Variants in LDLRAP1 observed in about 807,000 individuals in gnomAD.
LDLRAP1 encodes low density lipoprotein receptor adaptor protein 1, also known as low density lipoprotein receptor adapter protein 1.
LDLRAP1 carries 30 observed loss-of-function variants against 37.8 expected under a neutral mutation model. The observed-to-expected ratio is 0.79, with a 90% CI of 0.59 to 1.08. The LOEUF (loss-of-function observed/expected upper bound fraction) is 1.08, where lower values mean the gene tolerates loss of function less well. LDLRAP1 is among the 50% of genes least tolerant of loss of function. The pLI is 0.00. For missense variants in LDLRAP1, 375 were observed against 401.6 expected (o/e 0.93, Z 0.57); for synonymous variants, 156 against 169.8 (o/e 0.92, Z 0.63).
At chr1:25,561,072 T>C (rs74921646) in intron 4 of LDLRAP1, among the ~76,000 whole-genome samples, 4,590 of 152,378 alleles carry the variant, frequency 0.03, 218 homozygotes, top group African/African-American at 0.1. Context: ...TCTAAGCTTG[T>C]GTCTCCAGAT....
At chr1:25,573,301 C>G (rs1056203892), downstream of LDLRAP1, among the ~76,000 whole-genome samples, 1 of 152,202 alleles carries the variant, frequency 6.6e-6, no homozygotes, top group Admixed American at 6.5e-5. Context: ...GTGAGGAAAG[C>G]GTTGCAGTCT....
the LDLRAP1 span, among the ~76,000 whole-genome samples, chr1:25,585,548 A>G: frequency 9.2e-5 from 14 of 152,238 alleles, no homozygotes; most frequent in African/African-American, 3.4e-4. Flanking sequence ...GATGGTCTCA[A>G]TCTCCTGACC....
the LDLRAP1 span, among the ~76,000 whole-genome samples, chr1:25,586,428 A>G: frequency 1.8e-4 from 27 of 152,260 alleles, no homozygotes; most frequent in Non-Finnish European, 2.5e-4. The surrounding 1 kb of genome is among the most constrained non-coding windows in gnomAD (Gnocchi z 4.3). Context: ...ACCAGCGTCC[A>G]TCAGGGCCAC....
intron 1 of LDLRAP1, chr1:25,549,972 A>G (rs35983441): frequency 0.077 from 11,681 of 152,382 alleles, 849 homozygotes; most frequent in African/African-American, 0.19. Flanking sequence ...ACCAGACTGG[A>G]CGGCCACATT....
chr1:25,571,268 C>G (rs1352416833), downstream of LDLRAP1, among the ~76,000 whole-genome samples: 1 of 152,250 alleles, frequency 6.6e-6, no homozygotes, highest in Non-Finnish European at 1.5e-5. Flanking sequence ...CCACCTCTTC[C>G]CCAGTGGCTG....
At chr1:25,566,508 C>T (rs1483452763) in intron 8 of LDLRAP1, among the ~76,000 whole-genome samples, 1 of 152,146 alleles carries the variant, frequency 6.6e-6, no homozygotes, top group Non-Finnish European at 1.5e-5. Context: ...CTTCCGTGTT[C>T]CCTCCCACAG....
chr1:25,570,925 C>T (rs939527841), downstream of LDLRAP1, among the ~76,000 whole-genome samples: 2 of 152,160 alleles, frequency 1.3e-5, no homozygotes, highest in African/African-American at 2.4e-5. Context: ...ACTGGTGATA[C>T]TAGTCCTTGC....
At chr1:25,588,660 C>T in the LDLRAP1 span, among the ~76,000 whole-genome samples, 1 of 152,174 alleles carries the variant, frequency 6.6e-6, no homozygotes, top group African/African-American at 2.4e-5. Context: ...TAAGGGAACC[C>T]AGAGGCCGGC....
At position 25,554,068 on chromosome 1, in the gene LDLRAP1, A is replaced by T; in HGVS notation, c.231+4A>T. On this transcript the variant is annotated splice_donor_region_variant and intron_variant, in intron 2 of 8. Transcript: ENST00000374338. The surrounding 1 kb of genome is among the most constrained non-coding windows in gnomAD (Gnocchi z 5.4). The stretch of plus-strand genomic sequence containing the variant: ...CATCAAGAGGATCGTGGCTACAGTG[A>T]GCACCCCAGTCAGGAAGGGTGGGGG... 1 of 1,613,726 alleles carries T rather than the reference A, an allele frequency of 6.2e-7. No homozygotes were observed.
intron 8 of LDLRAP1, among the ~76,000 whole-genome samples, chr1:25,566,568 TCTC>T (rs2044486058): frequency 6.9e-6 from 1 of 145,330 alleles, no homozygotes; most frequent in South Asian, 2.5e-4. Context: ...ACCAGCCCCT[TCTC>T]CTCTTTCCTG....
chr1:25,578,687 A>G, the LDLRAP1 span, among the ~76,000 whole-genome samples: 14 of 151,982 alleles, frequency 9.2e-5, no homozygotes, highest in African/African-American at 3.4e-4. Flanking sequence ...TGGCTAATTT[A>G]TATATTTTTT....
chr1:25,577,202 A>T, the LDLRAP1 span, among the ~76,000 whole-genome samples: 1 of 152,190 alleles, frequency 6.6e-6, no homozygotes, highest in South Asian at 2.1e-4. Flanking sequence ...AGAATTATTT[A>T]ATTAGAATCT....
At chr1:25,577,676 C>G in the LDLRAP1 span, among the ~76,000 whole-genome samples, 7 of 152,196 alleles carry the variant, frequency 4.6e-5, no homozygotes, top group African/African-American at 1.7e-4. Flanking sequence ...TTTGAGGCAC[C>G]TGGCGGGGAC....
the LDLRAP1 span, among the ~76,000 whole-genome samples, chr1:25,588,649 C>A: frequency 6.6e-6 from 1 of 152,226 alleles, no homozygotes; most frequent in Non-Finnish European, 1.5e-5. Context: ...TCAGTAAATA[C>A]TAAGGGAACC....
downstream of LDLRAP1, among the ~76,000 whole-genome samples, chr1:25,570,909 C>T (rs1306485632): frequency 6.6e-6 from 1 of 152,130 alleles, no homozygotes; most frequent in Non-Finnish European, 1.5e-5. Context: ...GTCTTTTGCA[C>T]CTAACACTGG....
intron 1 of LDLRAP1, among the ~76,000 whole-genome samples, chr1:25,546,529 T>C (rs1441291933): frequency 1.3e-5 from 2 of 152,154 alleles, no homozygotes; most frequent in Non-Finnish European, 2.9e-5. Context: ...GACATCAATA[T>C]TTTATCTCAG....
intron 6 of LDLRAP1, 73 bp downstream of exon 6, chr1:25,563,226 C>G: frequency 7.8e-7 from 1 of 1,277,724 alleles, no homozygotes; most frequent in South Asian, 1.2e-5. Flanking sequence ...GGTCCCACTC[C>G]TGCCTGGGCT....
rs2044180598 is a variant in LDLRAP1, at chr1:25,555,643, G to C, written c.344+671G>C. Among the ~76,000 whole-genome samples, 1 of 152,200 alleles carries C rather than the reference G, an allele frequency of 6.6e-6. No individual in the cohort carries two copies. The highest frequency in any genetic ancestry group is 2.1e-4 in the South Asian group (1 of 4,828). On this transcript the variant is annotated intron_variant, in intron 3 of 8. Transcript: ENST00000374338. This position sits in a 1 kb window ranked among gnomAD's most constrained non-coding sequence, Gnocchi z 4.7. ...CTGTCCAGCAGGCTCCCGTCTGCCT[G>C]GCATCCCTCCACCCTCTTGCTTTGT...
At chr1:25,589,149 C>A in the LDLRAP1 span, among the ~76,000 whole-genome samples, 1 of 151,978 alleles carries the variant, frequency 6.6e-6, no homozygotes, top group African/African-American at 2.4e-5. Context: ...ACTAAAAATA[C>A]CAAAATTAGC....
Sources: gnomAD v4.1 joint callset for allele counts (sites outside exome capture counted in the v4.1 genomes callset) on GRCh38, gnomAD v4.1.1 for gene constraint, Gnocchi (gnomAD v3.1) non-coding constraint, MANE v1.5 for transcripts, NCBI Gene and HGNC (gene_info 2026-07-23, HGNC 2026-07-21) for gene names.